Variants in RSPH14 observed in about 807,000 individuals in gnomAD.
The protein encoded by RSPH14 is radial spoke head 14 homolog.
In RSPH14, 20 loss-of-function variants were observed where a neutral mutation model predicts 26.7. The observed-to-expected ratio is 0.75, with a 90% confidence interval of 0.53 to 1.09. RSPH14 has a LOEUF of 1.09. Ranked by LOEUF, RSPH14 falls within the 50% of genes least tolerant of loss-of-function variation. The pLI is 0.00. For missense variants in RSPH14, 449 were observed against 457.2 expected, an observed-to-expected ratio of 0.98 and a Z score of 0.16; for synonymous variants, 177 against 189.3, an observed-to-expected ratio of 0.93 and a Z score of 0.53.
At chr22:23,061,670 A>G in intron 6 of RSPH14, 139 bp downstream of exon 6, 11 of 1,111,362 alleles carry the variant, frequency 9.9e-6, no homozygotes, top group Non-Finnish European at 1.3e-5. Context: ...GACATCAGTG[A>G]TAGGCCAAGG....
intron 4 of RSPH14, among the ~76,000 whole-genome samples, chr22:23,130,251 C>T (rs1182759001): frequency 3.3e-5 from 5 of 149,970 alleles, no homozygotes; most frequent in African/African-American, 1.2e-4. Flanking sequence ...GTCAGGAGAT[C>T]GAGACCATCC....
chr22:23,179,897 T>G, the RSPH14 span: 1 of 244,818 alleles, frequency 4.1e-6, no homozygotes, highest in Non-Finnish European at 7.8e-6. Context: ...GAGGCCAGGC[T>G]GTGAGGTGTG....
rs1294550643 is a variant in RSPH14 at position 23,106,640 on chromosome 22, CAT to C, written c.421+27384_421+27385del. On this transcript the variant is annotated intron_variant, in intron 4 of 6. Transcript: ENST00000216036. The stretch of plus-strand genomic sequence containing the variant: ...TCTGAAGGCTCAGGCTGTAGGATAA[CAT>C]GTGTGTGCTGGCTGACAACAGAATA... Among the ~76,000 whole-genome samples the C allele has an allele frequency of 5.3e-5, 8 of 152,360 alleles. No individual in the cohort carries two copies. The South Asian group carries it at 8.3e-4, about 16-fold the overall frequency.
chr22:23,091,119 A>G (rs1006524510), intron 4 of RSPH14, among the ~76,000 whole-genome samples: 1 of 152,152 alleles, frequency 6.6e-6, no homozygotes, highest in Non-Finnish European at 1.5e-5. Context: ...CACACGCACA[A>G]CCACATGCAG....
chr22:23,092,039 G>A (rs998468035), intron 4 of RSPH14, among the ~76,000 whole-genome samples: 4 of 152,198 alleles, frequency 2.6e-5, no homozygotes, highest in African/African-American at 9.6e-5. Flanking sequence ...TTCTAGCCAT[G>A]CCCAGAGGCA....
intron 4 of RSPH14, among the ~76,000 whole-genome samples, chr22:23,080,137 C>T (rs1479555288): frequency 6.6e-6 from 1 of 152,236 alleles, no homozygotes; most frequent in Non-Finnish European, 1.5e-5. Flanking sequence ...CTGTCATGGC[C>T]ACCCTCTCCT....
At chr22:23,130,141 AAGAAAG>A (rs2070310679) in intron 4 of RSPH14, among the ~76,000 whole-genome samples, 1 of 116,316 alleles carries the variant, frequency 8.6e-6, no homozygotes, top group South Asian at 2.6e-4. Flanking sequence ...GAAAGAAAGA[AAGAAAG>A]AAAGAAAGAA....
intron 4 of RSPH14, among the ~76,000 whole-genome samples, chr22:23,074,420 G>A (rs1002939934): frequency 7.2e-5 from 11 of 152,196 alleles, no homozygotes; most frequent in African/African-American, 2.7e-4. Context: ...GAAAGATGGA[G>A]CTGGTATTGG....
upstream of RSPH14, chr22:23,145,324 T>C: frequency 2.0e-6 from 3 of 1,502,256 alleles, no homozygotes; most frequent in Non-Finnish European, 2.7e-6. Context: ...GGAGTCTCTC[T>C]GCTGCCAGCC....
intron 4 of RSPH14, among the ~76,000 whole-genome samples, chr22:23,126,634 GA>G (rs2146415010): frequency 6.6e-6 from 1 of 152,356 alleles, no homozygotes; most frequent in Admixed American, 6.5e-5. Flanking sequence ...GCTGAGCTGG[GA>G]TGGTCCAGGA....
At chr22:23,130,084 GAAGAAAGAAAGAAAGA>G (rs1221656067) in intron 4 of RSPH14, among the ~76,000 whole-genome samples, 2,714 of 51,646 alleles carry the variant, frequency 0.053, 56 homozygotes, top group African/African-American at 0.066. Context: ...AGAAAGAAAG[GAAGAAAGAAAGAAAGA>G]AAGAAAGAAA....
At position 23,080,264 on chromosome 22, in the gene RSPH14, G is replaced by A. The variant is rs1251561317; in HGVS notation, c.422-16131C>T. ...AGGCGACACTATCACCCTTTGTCTGGTCAGCCGTGGTGGCTGTGGGCCAAA... is the reference window on the plus strand; with the variant it reads ...AGGCGACACTATCACCCTTTGTCTGATCAGCCGTGGTGGCTGTGGGCCAAA... On this transcript the variant is annotated intron_variant, in intron 4 of 6. Transcript: ENST00000216036. Among the ~76,000 whole-genome samples the A allele has an allele frequency of 2.0e-5, 3 of 152,154 alleles. No individual in the cohort carries two copies. In the East Asian group the frequency reaches 5.8e-4, roughly 29 times the overall value.
intron 1 of RSPH14, among the ~76,000 whole-genome samples, chr22:23,141,447 G>A (rs1034916541): frequency 3.3e-5 from 5 of 152,130 alleles, no homozygotes; most frequent in Non-Finnish European, 7.3e-5. Context: ...AGGCCTGGGT[G>A]ACCTTGGCAA....
the RSPH14 span, among the ~76,000 whole-genome samples, chr22:23,175,739 T>G: frequency 6.6e-6 from 1 of 152,316 alleles, no homozygotes; most frequent in East Asian, 1.9e-4. Context: ...CTCAGAAGGC[T>G]CCTGGGGTAG....
chr22:23,124,514 T>A, intron 4 of RSPH14: 1 of 342,084 alleles, frequency 2.9e-6, no homozygotes, highest in South Asian at 2.1e-5. Context: ...TGTTTTTATT[T>A]AAGAAAATAA....
intron 4 of RSPH14, among the ~76,000 whole-genome samples, chr22:23,091,888 C>G (rs2068990738): frequency 6.6e-6 from 1 of 152,180 alleles, no homozygotes; most frequent in African/African-American, 2.4e-5. Flanking sequence ...TCCAGCCACT[C>G]TGACCTTCCT....
At chr22:23,087,041 G>A (rs903625626) in intron 4 of RSPH14, among the ~76,000 whole-genome samples, 8 of 152,228 alleles carry the variant, frequency 5.3e-5, no homozygotes, top group Admixed American at 1.3e-4. Flanking sequence ...CTCATTCGGC[G>A]AGGAGGAAAC....
Position 23,141,974 on chromosome 22 carries a change from C to T in RSPH14, c.-78G>A. On this transcript the variant is annotated 5_prime_UTR_variant, in exon 1 of 7. Transcript: ENST00000216036. The stretch of plus-strand genomic sequence containing the variant: ...CTGCCTCCGCAGCCCTTTCTGCTTC[C>T]AGTAGCCCGCGCCACTGGCCAACCT... 3.0e-6 allele frequency: 3 copies of T among 985,722 alleles called. No individual in the cohort carries two copies. Among genetic ancestry groups the T allele is most frequent in the Non-Finnish European group, 3.6e-6 (3 of 830,162 alleles). The allele number at this position is 985,722 out of a possible 1,614,324, so 61.1% of individuals were successfully genotyped here.
At chr22:23,156,815 C>T in the RSPH14 span, among the ~76,000 whole-genome samples, 1 of 152,222 alleles carries the variant, frequency 6.6e-6, no homozygotes, top group South Asian at 2.1e-4. Flanking sequence ...CCTCTTCGGG[C>T]CTCTCCTTGA....
Sources: allele counts gnomAD v4.1 joint callset (sites outside exome capture counted in the v4.1 genomes callset), GRCh38; gene constraint gnomAD v4.1.1; transcripts MANE v1.5; gene names NCBI Gene and HGNC (gene_info 2026-07-23, HGNC 2026-07-21).